The following ANO5 variants were observed in gnomAD, a reference collection of about 807,000 sequenced individuals.
ANO5 encodes anoctamin-5.
Under a neutral mutation model 121.0 loss-of-function variants are expected in ANO5, and 109 were observed. The observed-to-expected ratio is 0.90, with a 90% CI of 0.77 to 1.06. The LOEUF (loss-of-function observed/expected upper bound fraction) is 1.06, where lower values mean the gene tolerates loss of function less well. Ranked by LOEUF, ANO5 falls within the 50% of genes least tolerant of loss-of-function variation. The pLI is 0.00. For synonymous variants in ANO5, 406 were observed against 359.9 expected, an observed-to-expected ratio of 1.13 and a Z score of -1.45; for missense variants, 1,064 against 1,078.5, an observed-to-expected ratio of 0.99 and a Z score of 0.19.
intron 3 of ANO5, among the ~76,000 whole-genome samples, chr11:22,212,534 T>C (rs1395944855): frequency 6.6e-6 from 1 of 151,898 alleles, no homozygotes; most frequent in Non-Finnish European, 1.5e-5. Context: ...ATTGCCAAAT[T>C]CCCCTGCCTT....
At chr11:22,245,815 G>A (rs1157218203) in intron 9 of ANO5, among the ~76,000 whole-genome samples, 2 of 152,124 alleles carry the variant, frequency 1.3e-5, no homozygotes, top group African/African-American at 2.4e-5. Context: ...TTGTGTGCCT[G>A]TGTTTTGACT....
intron 3 of ANO5, 32 bp downstream of exon 3, chr11:22,211,346 A>G: frequency 8.1e-6 from 13 of 1,597,660 alleles, no homozygotes; most frequent in Middle Eastern, 3.3e-4. Flanking sequence ...CCTTTCTTGC[A>G]TGGACACAAA....
At chr11:22,247,048 G>A (rs7128906) in intron 9 of ANO5, among the ~76,000 whole-genome samples, 22,270 of 151,936 alleles carry the variant, frequency 0.15, 4,751 homozygotes, top group African/African-American at 0.47. Flanking sequence ...ACACAAATGC[G>A]TATTAGTTAC....
chr11:22,229,197 G>A (rs1376930860), intron 7 of ANO5, among the ~76,000 whole-genome samples: 4 of 151,780 alleles, frequency 2.6e-5, no homozygotes, highest in Admixed American at 1.3e-4. Context: ...GTTATCTTTT[G>A]ATTTTGTTTA....
intron 5 of ANO5, among the ~76,000 whole-genome samples, chr11:22,222,787 T>G (rs976835735): frequency 1.1e-4 from 16 of 152,028 alleles, no homozygotes; most frequent in African/African-American, 3.9e-4. Flanking sequence ...TGACTGACTT[T>G]ACCTTGTATT....
At chr11:22,196,470 T>A (rs1851813431) in intron 1 of ANO5, among the ~76,000 whole-genome samples, 1 of 150,814 alleles carries the variant, frequency 6.6e-6, no homozygotes, top group African/African-American at 2.4e-5. Context: ...ACCATAGCAC[T>A]AAGATGTATG....
In ANO5 at chr11:22,236,263, A is replaced by G. The variant is rs781734224; in HGVS notation, c.749A>G (p.Tyr250Cys). The change falls in exon 8 of 22, where the codon TAT becomes TGT. Residue 250 changes from tyrosine to cysteine, a missense_variant. Tyr to Cys is a radical substitution (Grantham distance 194, BLOSUM62 -2). Coordinates refer to ENST00000324559, the MANE Select transcript of ANO5 (RefSeq NM_213599.3). ...AACTCTAACACTTACTCATCTGCCT[A>G]TCCACTCCATGATGTATGTATAGGT... ...LLNSNTYSSA[Y>C]PLHDGQYWKP... 1.7e-5 allele frequency: 27 copies of G among 1,610,208 alleles called. No individual in the cohort carries two copies. The highest frequency in any genetic ancestry group is 1.1e-4 in the African/African-American group (8 of 74,828).
chr11:22,226,147 C>A, intron 6 of ANO5, 95 bp downstream of exon 6: 1 of 994,672 alleles, frequency 1.0e-6, no homozygotes, highest in East Asian at 2.5e-5. Context: ...TGTTTGGGGG[C>A]AATACAATAG....
chr11:22,272,339 CACACA>C (rs1854651455), intron 18 of ANO5, among the ~76,000 whole-genome samples: 2 of 149,196 alleles, frequency 1.3e-5, no homozygotes, highest in South Asian at 4.2e-4. Flanking sequence ...CACACACACA[CACACA>C]CAGCTGGCTG....
At chr11:22,214,169 G>A (rs1226466744) in intron 3 of ANO5, among the ~76,000 whole-genome samples, 1 of 151,924 alleles carries the variant, frequency 6.6e-6, no homozygotes, top group Non-Finnish European at 1.5e-5. Flanking sequence ...CTTCCTGAGT[G>A]GTTGGAATTA....
chr11:22,243,017 G>A lies in ANO5; in HGVS notation c.878+3333G>A, dbSNP rs138269905. ...AATGATTCCAGCTTTTGCCCATTCA[G>A]TATGATGTTGGTTGTGGGTTTATCA... On this transcript the variant is annotated intron_variant, in intron 9 of 21. Transcript: ENST00000324559. Among the ~76,000 whole-genome samples, 1,014 of 152,106 alleles carry A rather than the reference G, an allele frequency of 6.7e-3. 8 individuals are homozygous for A. Among genetic ancestry groups the A allele is most frequent in the African/African-American group, 0.023 (960 of 41,500 alleles).
chr11:22,213,399 G>A (rs1852343475), intron 3 of ANO5, among the ~76,000 whole-genome samples: 1 of 151,318 alleles, frequency 6.6e-6, no homozygotes, highest in Non-Finnish European at 1.5e-5. Context: ...AGGAGTACTG[G>A]TCAGGTATTT....
chr11:22,279,274 A>G (rs191797107), intron 21 of ANO5, among the ~76,000 whole-genome samples: 1 of 151,936 alleles, frequency 6.6e-6, no homozygotes, highest in African/African-American at 2.4e-5. Flanking sequence ...TAAATATTTT[A>G]TCAGGTTTTC....
At chr11:22,194,632 TTTA>T (rs1158919608) in intron 1 of ANO5, among the ~76,000 whole-genome samples, 1 of 152,214 alleles carries the variant, frequency 6.6e-6, no homozygotes, top group Non-Finnish European at 1.5e-5. Flanking sequence ...CAGTAATCTC[TTTA>T]TTGTCTCTAT....
At chr11:22,206,277 C>T (rs889356532) in intron 2 of ANO5, among the ~76,000 whole-genome samples, 1 of 151,896 alleles carries the variant, frequency 6.6e-6, no homozygotes, top group Non-Finnish European at 1.5e-5. Flanking sequence ...GCAACATGGC[C>T]AGGTAGGGTT....
chr11:22,229,709 G>T (rs1052542141), intron 7 of ANO5, among the ~76,000 whole-genome samples: 1 of 151,954 alleles, frequency 6.6e-6, no homozygotes, highest in African/African-American at 2.4e-5. Flanking sequence ...ACTTGATCAG[G>T]AATAGAAATG....
At chr11:22,231,161 T>G (rs1853028348) in intron 7 of ANO5, among the ~76,000 whole-genome samples, 1 of 152,048 alleles carries the variant, frequency 6.6e-6, no homozygotes, top group South Asian at 2.1e-4. Flanking sequence ...TATTTTTCTG[T>G]TTTTTTATTA....
intron 17 of ANO5, among the ~76,000 whole-genome samples, chr11:22,265,571 A>G (rs1028761656): frequency 6.6e-6 from 1 of 152,172 alleles, no homozygotes; most frequent in Non-Finnish European, 1.5e-5. Flanking sequence ...AAAGTCATAT[A>G]GAATTTGTGT....
chr11:22,212,928 A>G (rs951728780), intron 3 of ANO5, among the ~76,000 whole-genome samples: 1 of 151,388 alleles, frequency 6.6e-6, no homozygotes, highest in African/African-American at 2.4e-5. Context: ...TTAAATACAT[A>G]TAATTTAATT....
Sources: gnomAD v4.1 joint callset for allele counts (sites outside exome capture counted in the v4.1 genomes callset) on GRCh38, gnomAD v4.1.1 for gene constraint, MANE v1.5 for transcripts, NCBI Gene and HGNC (gene_info 2026-07-23, HGNC 2026-07-21) for gene names.